The following TSPAN14 variants were observed in gnomAD, a reference collection of about 807,000 sequenced individuals.
TSPAN14 encodes the protein tetraspanin-14.
A neutral mutation model predicts 36.6 loss-of-function variants in TSPAN14; 16 were observed. The ratio of observed to expected loss-of-function variants is 0.44; its 90% CI spans 0.30 to 0.66. The LOEUF (loss-of-function observed/expected upper bound fraction) is 0.66. TSPAN14 is among the 30% of genes least tolerant of loss of function. The pLI is 0.12. For synonymous variants in TSPAN14, 139 were observed against 143.8 expected (o/e 0.97, Z 0.24); for missense variants, 231 against 355.1 (o/e 0.65, Z 2.81).
chr10:80,469,917 T>C (rs1265078222), intron 1 of TSPAN14, among the ~76,000 whole-genome samples: 2 of 152,124 alleles, frequency 1.3e-5, no homozygotes, highest in African/African-American at 4.8e-5. Context: ...AGTACAGTTG[T>C]CCCTTGGTGT....
At chr10:80,504,401 G>T (rs1039353865) in intron 2 of TSPAN14, among the ~76,000 whole-genome samples, 1 of 152,224 alleles carries the variant, frequency 6.6e-6, no homozygotes, top group African/African-American at 2.4e-5. Context: ...ACCAGATAGT[G>T]CACTGAAATG....
At chr10:80,463,182 C>G (rs995385618) in intron 1 of TSPAN14, 1 of 152,176 alleles carries the variant, frequency 6.6e-6, no homozygotes, top group Non-Finnish European at 1.5e-5. Context: ...CCCCTTGTTT[C>G]GTTTCCCCTC....
At chr10:80,471,999 A>T (rs1036561483) in intron 1 of TSPAN14, among the ~76,000 whole-genome samples, 5 of 151,776 alleles carry the variant, frequency 3.3e-5, no homozygotes, top group African/African-American at 1.2e-4. Flanking sequence ...ACATAGGGAG[A>T]CCCCATCTCC....
At chr10:80,472,540 C>G (rs987937089) in intron 1 of TSPAN14, among the ~76,000 whole-genome samples, 2 of 152,220 alleles carry the variant, frequency 1.3e-5, no homozygotes, top group African/African-American at 4.8e-5. Flanking sequence ...TATTTCACAT[C>G]AAACTCATGA....
Position 80,506,302 on chromosome 10 carries a change from A to G in TSPAN14, c.133-926A>G, listed in dbSNP as rs549833073. Among the ~76,000 whole-genome samples, 61 of 152,246 alleles carry G rather than the reference A, an allele frequency of 4.0e-4. 1 individual carries two copies. In the Middle Eastern group the frequency reaches 0.01, roughly 25 times the overall value. ...ATGTATGTCTTGATGCTTAGTCACA[A>G]TGTTCTGATTAGTTGAGGCGGTCTT... On this transcript the variant is annotated intron_variant, in intron 3 of 8. Coordinates refer to ENST00000429989, the Ensembl canonical transcript of TSPAN14.
At chr10:80,501,012 G>A (rs1848480534) in intron 2 of TSPAN14, among the ~76,000 whole-genome samples, 1 of 152,036 alleles carries the variant, frequency 6.6e-6, no homozygotes, top group Non-Finnish European at 1.5e-5. Context: ...TATCTATTTA[G>A]TCACTATTTA....
chr10:80,469,045 G>A (rs542640337), intron 1 of TSPAN14, among the ~76,000 whole-genome samples: 1 of 152,254 alleles, frequency 6.6e-6, no homozygotes, highest in Non-Finnish European at 1.5e-5. Flanking sequence ...GGTGTGCAGT[G>A]CACAGCAGTT....
Position 80,479,080 on chromosome 10 carries a change from T to G in TSPAN14, c.-17-10137T>G, listed in dbSNP as rs138661794. Among the ~76,000 whole-genome samples the G allele has an allele frequency of 8.1e-3, 1,231 of 152,374 alleles. 25 individuals are homozygous for G. Among genetic ancestry groups the G allele is most frequent in the African/African-American group, 0.028 (1,158 of 41,582 alleles). On this transcript the variant is annotated intron_variant, in intron 1 of 8. Coordinates refer to ENST00000429989, the Ensembl canonical transcript of TSPAN14. ...TTTTTCCATGTGTTTTTTGGCTACA[T>G]AAATGTCTTCTTTTGAGAAGTGTCT... is the stretch of plus-strand genomic sequence containing the variant.
At chr10:80,485,277 C>T (rs1424108031) in intron 1 of TSPAN14, among the ~76,000 whole-genome samples, 1 of 152,054 alleles carries the variant, frequency 6.6e-6, no homozygotes, top group Non-Finnish European at 1.5e-5. Flanking sequence ...TTCTGCCTTC[C>T]TTCAGTATGA....
chr10:80,512,194 C>T (rs773673100), exon 6 of TSPAN14: 2 of 1,614,212 alleles, frequency 1.2e-6, no homozygotes, highest in Non-Finnish European at 1.7e-6. Context: ...TCAACGTCTA[C>T]TTCAATTGCA....
chr10:80,504,967 AG>A (rs1336143551), intron 3 of TSPAN14, among the ~76,000 whole-genome samples, 189 bp downstream of exon 3: 1 of 152,100 alleles, frequency 6.6e-6, no homozygotes, highest in Non-Finnish European at 1.5e-5. Context: ...TGGCTGCTGG[AG>A]GTATGGGCTG....
intron 2 of TSPAN14, among the ~76,000 whole-genome samples, chr10:80,496,643 G>T (rs1468892305): frequency 1.3e-5 from 2 of 152,090 alleles, no homozygotes; most frequent in Admixed American, 6.6e-5. Context: ...CAGAGGCTCG[G>T]TTTAGTTTTT....
chr10:80,499,813 GGT>G (rs1345136078), intron 2 of TSPAN14, among the ~76,000 whole-genome samples: 4 of 152,214 alleles, frequency 2.6e-5, no homozygotes, highest in Admixed American at 6.5e-5. Context: ...TAGCAGTTTA[GGT>G]GCTCGCTGGT....
intron 1 of TSPAN14, among the ~76,000 whole-genome samples, chr10:80,467,869 A>G (rs1245480547): frequency 6.6e-6 from 1 of 152,078 alleles, no homozygotes; most frequent in East Asian, 1.9e-4. Flanking sequence ...GAAATGGCAC[A>G]TTACTTTTGT....
chr10:80,455,176 A>C (rs1386434023), intron 1 of TSPAN14, among the ~76,000 whole-genome samples: 1 of 151,838 alleles, frequency 6.6e-6, no homozygotes, highest in African/African-American at 2.4e-5. Context: ...GTGTGGAGGG[A>C]CTTTGGCCCT....
At position 80,509,233 on chromosome 10, in the gene TSPAN14, G is replaced by C; in HGVS notation, c.280-68G>C. The C allele has an allele frequency of 6.5e-7, 1 of 1,531,400 alleles. No homozygotes were observed. The highest frequency in any genetic ancestry group is 8.9e-7 in the Non-Finnish European group (1 of 1,124,260). The allele number at this position is 1,531,400 out of a possible 1,614,324, so 94.9% of individuals were successfully genotyped here. A position where few individuals can be genotyped will look rare whatever the true frequency, so the allele number is the denominator to read the frequency against. ...TGAGGATGGTGGTTCTGGGTCAGGTGGGGTTATGTGTGTGGGGGTGCAGGC... is the reference window on the plus strand; with the variant it reads ...TGAGGATGGTGGTTCTGGGTCAGGTCGGGTTATGTGTGTGGGGGTGCAGGC... On this transcript the variant is annotated intron_variant, in intron 4 of 8. Transcript: ENST00000429989. The surrounding 1 kb of genome is among the most constrained non-coding windows in gnomAD (Gnocchi z 4.7).
intron 2 of TSPAN14, among the ~76,000 whole-genome samples, chr10:80,500,845 G>C (rs1848472860): frequency 6.6e-6 from 1 of 152,222 alleles, no homozygotes. Context: ...TGGGGAAGGG[G>C]CGATTGGAAC....
At chr10:80,457,034 C>A (rs1027501953) in intron 1 of TSPAN14, among the ~76,000 whole-genome samples, 2 of 152,130 alleles carry the variant, frequency 1.3e-5, no homozygotes, top group East Asian at 1.9e-4. Flanking sequence ...TGCACTCCAG[C>A]CTGGGCAACA....
At chr10:80,456,193 C>T (rs1845727784) in intron 1 of TSPAN14, among the ~76,000 whole-genome samples, 1 of 152,220 alleles carries the variant, frequency 6.6e-6, no homozygotes, top group South Asian at 2.1e-4. Flanking sequence ...CATAGGTGCT[C>T]AGTAGTGTTT....
Sources: gnomAD v4.1 joint callset for allele counts (sites outside exome capture counted in the v4.1 genomes callset) on GRCh38, gnomAD v4.1.1 for gene constraint, Gnocchi (gnomAD v3.1) non-coding constraint, MANE v1.5 for transcripts, NCBI Gene and HGNC (gene_info 2026-07-23, HGNC 2026-07-21) for gene names.